Variants in SURF4 observed in about 807,000 individuals in gnomAD.
SURF4 encodes surfeit locus protein 4.
SURF4 carries 3 observed loss-of-function variants against 30.0 expected under a neutral mutation model. That is an observed-to-expected ratio of 0.10 (90% confidence interval 0.05 to 0.26). The LOEUF is 0.26. Among genes scored for constraint, SURF4 ranks in the 10% least tolerant of loss-of-function variants. SURF4 has a pLI of 1.00. For synonymous variants in SURF4, 143 were observed against 139.9 expected (o/e 1.02, Z -0.16); for missense variants, 217 against 350.8 (o/e 0.62, Z 3.05).
chr9:133,366,047 G>A lies in SURF4; in HGVS notation c.313-19C>T. 1.2e-6 allele frequency: 2 copies of A among 1,613,452 alleles called. No individual in the cohort carries two copies. Among genetic ancestry groups the A allele is most frequent in the Non-Finnish European group, 1.7e-6 (2 of 1,179,536 alleles). The stretch of plus-strand genomic sequence containing the variant: ...CAATCGTCTGAGGGGAAAGAAGAGA[G>A]AGATACTTGAGTCTCAGCCTTTCCA... On this transcript the variant is annotated intron_variant, in intron 3 of 5. Transcript: ENST00000371989.
chr9:133,371,308 G>A (rs2130187968), intron 1 of SURF4, among the ~76,000 whole-genome samples: 92 of 152,268 alleles, frequency 6.0e-4, no homozygotes, highest in African/African-American at 2.1e-3. Flanking sequence ...GCGGCCCAGC[G>A]GCTTCCCTCA....
chr9:133,368,552 T>C (rs181042420), intron 1 of SURF4, among the ~76,000 whole-genome samples: 14 of 152,258 alleles, frequency 9.2e-5, no homozygotes, highest in African/African-American at 3.4e-4. Context: ...CTCGAGCAAA[T>C]TAAAACACAC....
upstream of SURF4, chr9:133,376,473 C>T: frequency 2.5e-6 from 4 of 1,585,720 alleles, no homozygotes; most frequent in Non-Finnish European, 3.4e-6. Context: ...CGCTACTGAT[C>T]ATGCTTGGGC....
rs2130084873 is a variant in SURF4 at position 133,363,384 on chromosome 9, G to A, written c.*109C>T. 4.4e-5 allele frequency: 68 copies of A among 1,545,952 alleles called. No homozygotes were observed. The highest frequency in any genetic ancestry group is 2.7e-5 in the African/African-American group (2 of 73,548). On this transcript the variant is annotated 3_prime_UTR_variant, in exon 6 of 6. Coordinates refer to ENST00000371989, the MANE Select transcript of SURF4 (RefSeq NM_033161.4). The surrounding 1 kb of genome is among the most constrained non-coding windows in gnomAD (Gnocchi z 4.3). ...TCAAAACATCTGTGCCTTTACCAAG[G>A]GAGGGGAAGGGAAGAGGATACATAA...
intron 1 of SURF4, chr9:133,371,260 C>T (rs1190135594): frequency 7.7e-6 from 3 of 390,640 alleles, no homozygotes; most frequent in African/African-American, 6.5e-5. Flanking sequence ...TTGTTCAAAG[C>T]CCAACTCAGG....
At chr9:133,366,072 A>C (rs2130123340) in intron 3 of SURF4, 44 bp from the exon 4 acceptor site, 23 of 1,596,392 alleles carry the variant, frequency 1.4e-5, no homozygotes, top group Admixed American at 5.0e-5. Context: ...CAGCCTTTCC[A>C]AAGGCATTTC....
At chr9:133,375,320 C>A in intron 1 of SURF4, 14 of 985,154 alleles carry the variant, frequency 1.4e-5, no homozygotes, top group African/African-American at 1.8e-5. Context: ...CTCAATCCAG[C>A]CCAGGGCAGA....
chr9:133,366,730 C>T, intron 2 of SURF4, 55 bp from the exon 3 acceptor site: 1 of 1,541,090 alleles, frequency 6.5e-7, no homozygotes, highest in Non-Finnish European at 8.9e-7. Context: ...GCGGGGAGCA[C>T]TGTCTTGATA....
At chr9:133,365,099 G>A in intron 4 of SURF4, 73 bp from the exon 5 acceptor site, 2 of 1,376,378 alleles carry the variant, frequency 1.5e-6, no homozygotes, top group South Asian at 1.5e-5. Flanking sequence ...CAGGTGCAGG[G>A]AGACCTTGCT....
intron 1 of SURF4, chr9:133,370,783 G>T: frequency 2.0e-6 from 2 of 1,015,412 alleles, no homozygotes; most frequent in Non-Finnish European, 2.7e-6. Context: ...ACTTGTGACA[G>T]TCCCCCTCCC....
chr9:133,373,325 G>T (rs946391519), intron 1 of SURF4, among the ~76,000 whole-genome samples: 1 of 152,190 alleles, frequency 6.6e-6, no homozygotes, highest in Admixed American at 6.5e-5. Flanking sequence ...AAGGCTGGGC[G>T]CGGTGGCTCA....
chr9:133,367,294 G>A lies in SURF4; in HGVS notation c.200C>T (p.Ser67Leu), dbSNP rs2130138898. 7 of 1,614,090 alleles carry A rather than the reference G, an allele frequency of 4.3e-6. No individual in the cohort carries two copies. Among genetic ancestry groups the A allele is most frequent in the Admixed American group, 1.7e-5 (1 of 60,014 alleles). ...TTWNCGYLLA[S>L]SFVFLNLLGQ... Reference sequence around the variant, plus strand: ...CAGCAAGTTGAGGAAGACGAAGGACGAGGCCAGCAGGTAGCCGCAGTTCCA... The same window carrying A: ...CAGCAAGTTGAGGAAGACGAAGGACAAGGCCAGCAGGTAGCCGCAGTTCCA... Residue 67 changes from serine (S) to leucine (L), a missense_variant, in exon 2 of 6, where the codon TCG (serine) becomes TTG (leucine). Physicochemically the swap from Ser to Leu is moderately radical, Grantham distance 145 (BLOSUM62 -2). Coordinates refer to ENST00000371989, the MANE Select transcript of SURF4 (RefSeq NM_033161.4).
intron 1 of SURF4, among the ~76,000 whole-genome samples, chr9:133,373,011 CTGCCTTACAGATATGG>C (rs2130202294): frequency 3.3e-4 from 50 of 152,346 alleles, no homozygotes; most frequent in African/African-American, 1.1e-3. Flanking sequence ...GCAGCCTGCG[CTGCCTTACAGATATGG>C]TGCCTTACAG....
Position 133,363,916 on chromosome 9 carries a change from G to A in SURF4, c.544-157C>T, listed in dbSNP as rs2130096555. ...TGCTGGTGCAAGTAGGGAGATAAAA[G>A]CCAAAGGGAGGCAGGAGGCAATAAA... On this transcript the variant is annotated intron_variant, in intron 5 of 5. Transcript: ENST00000371989. The surrounding 1 kb of genome is among the most constrained non-coding windows in gnomAD (Gnocchi z 4.3). 4.6e-5 allele frequency: 42 copies of A among 914,844 alleles called. No homozygotes were observed. The highest frequency in any genetic ancestry group is 7.1e-5 in the Non-Finnish European group (40 of 565,624). 56.7% of individuals were successfully genotyped at this position (914,844 alleles called of 1,614,324 possible).
intron 1 of SURF4, among the ~76,000 whole-genome samples, chr9:133,368,189 G>A (rs2130155037): frequency 6.6e-6 from 1 of 152,354 alleles, no homozygotes; most frequent in Middle Eastern, 3.4e-3. Context: ...GAGGTGCCAA[G>A]GGCCTGGACC....
In SURF4 at chr9:133,363,351, T is replaced by TA. The variant is rs2130084558; in HGVS notation, c.*141dup. On this transcript the variant is annotated 3_prime_UTR_variant, in exon 6 of 6. Transcript: ENST00000371989. The surrounding 1 kb of genome is among the most constrained non-coding windows in gnomAD (Gnocchi z 4.3). ...ATCGATTCTCAGGTGTCTCTGCAAA[T>TA]AAAGTTCTCAAAACATCTGTGCCTT... 7 of 1,361,560 alleles carry TA rather than the reference T, an allele frequency of 5.1e-6. No homozygotes were observed. The highest frequency in any genetic ancestry group is 2.0e-5 in the Admixed American group (1 of 51,234). 84.3% of individuals were successfully genotyped at this position (1,361,560 alleles called of 1,614,324 possible).
chr9:133,375,797 C>T (rs1417023609), intron 1 of SURF4, 125 bp downstream of exon 1: 14 of 1,005,620 alleles, frequency 1.4e-5, no homozygotes, highest in Non-Finnish European at 1.8e-5. Flanking sequence ...GGGGGGGTCC[C>T]CCTGTGGGAA....
At chr9:133,376,454 G>A (rs2130247946), upstream of SURF4, 21 of 1,563,860 alleles carry the variant, frequency 1.3e-5, no homozygotes, top group Admixed American at 7.8e-5. Context: ...ACGCTCGCCC[G>A]TACGCGGTCG....
chr9:133,366,149 T>C (rs1302970429), intron 3 of SURF4, 121 bp from the exon 4 acceptor site: 4 of 973,062 alleles, frequency 4.1e-6, no homozygotes, highest in Non-Finnish European at 6.4e-6. Context: ...CACAAAACCA[T>C]TGTAGGAGAC....
Sources: allele counts gnomAD v4.1 joint callset (sites outside exome capture counted in the v4.1 genomes callset), GRCh38; gene constraint gnomAD v4.1.1; non-coding constraint Gnocchi (gnomAD v3.1); transcripts MANE v1.5; gene names NCBI Gene and HGNC (gene_info 2026-07-23, HGNC 2026-07-21).